Variants in CAMKMT observed in about 807,000 individuals in gnomAD.
CAMKMT encodes the protein calmodulin-lysine N-methyltransferase, also known as CaM KMT.
In CAMKMT, 53 loss-of-function variants were observed where a neutral mutation model predicts 48.0. The observed-to-expected ratio is 1.10, with a 90% confidence interval of 0.89 to 1.39. The LOEUF is 1.39. Ranked by LOEUF, CAMKMT falls within the 40% of genes most tolerant of loss-of-function variation. The pLI is 0.00. For synonymous variants in CAMKMT, 165 were observed against 152.3 expected (o/e 1.08, Z -0.61); for missense variants, 428 against 402.7 (o/e 1.06, Z -0.54).
chr2:44,429,593 A>T (rs1442861546), intron 3 of CAMKMT, among the ~76,000 whole-genome samples: 2 of 152,092 alleles, frequency 1.3e-5, no homozygotes, highest in Non-Finnish European at 2.9e-5. Flanking sequence ...TAAGGTCAGG[A>T]GATCGAGACC....
At chr2:44,504,226 G>A (rs1243599136) in intron 3 of CAMKMT, among the ~76,000 whole-genome samples, 1 of 152,082 alleles carries the variant, frequency 6.6e-6, no homozygotes, top group Non-Finnish European at 1.5e-5. Context: ...CTGTGTTATG[G>A]TGAGTCCCAC....
intron 3 of CAMKMT, among the ~76,000 whole-genome samples, chr2:44,645,237 A>C (rs1673668081): frequency 6.6e-6 from 1 of 152,182 alleles, no homozygotes; most frequent in Non-Finnish European, 1.5e-5. Context: ...TAAACATGAA[A>C]TTTTACCCCT....
chr2:44,530,252 CAAAG>C (rs1666410659), intron 3 of CAMKMT, among the ~76,000 whole-genome samples: 1 of 151,820 alleles, frequency 6.6e-6, no homozygotes, highest in East Asian at 1.9e-4. Context: ...TGTTAATAAA[CAAAG>C]AAAAATTCTG....
intron 3 of CAMKMT, among the ~76,000 whole-genome samples, chr2:44,634,410 G>A (rs1424296664): frequency 1.3e-5 from 2 of 151,820 alleles, no homozygotes; most frequent in African/African-American, 4.8e-5. Flanking sequence ...ACAATGGTTC[G>A]ATATATTTTG....
chr2:44,406,012 A>G (rs74853267), intron 3 of CAMKMT, among the ~76,000 whole-genome samples: 3,537 of 152,280 alleles, frequency 0.023, 153 homozygotes, highest in African/African-American at 0.081. Flanking sequence ...CCCATTTTCA[A>G]CAGACCATAT....
At chr2:44,600,353 A>G (rs1238856981) in intron 3 of CAMKMT, among the ~76,000 whole-genome samples, 1 of 151,844 alleles carries the variant, frequency 6.6e-6, no homozygotes, top group African/African-American at 2.4e-5. Context: ...TACACCCTCA[A>G]ACTCCTGGGC....
chr2:44,362,142 G>T lies in CAMKMT; in HGVS notation c.135G>T (p.Arg45=). ...PLGAARWKLL[R]QVLKQKHLDD... The stretch of plus-strand genomic sequence containing the variant: ...GAGCCGCCCGGTGGAAGCTCCTGCG[G>T]CAGGTAAGGGAGAACCTGCTCGCCT... The change falls in exon 1 of 11, where the codon CGG becomes CGT. Residue 45 remains arginine (R), a synonymous_variant. Transcript: ENST00000378494. The T allele has an allele frequency of 6.8e-7, 1 of 1,472,436 alleles. No individual in the cohort carries two copies. The highest frequency in any genetic ancestry group is 8.9e-7 in the Non-Finnish European group (1 of 1,123,958). The allele number at this position is 1,472,436 out of a possible 1,614,324, so 91.2% of individuals were successfully genotyped here.
intron 1 of CAMKMT, among the ~76,000 whole-genome samples, chr2:44,365,437 G>C (rs1022708095): frequency 2.6e-5 from 4 of 152,204 alleles, no homozygotes; most frequent in Non-Finnish European, 5.9e-5. Context: ...ATGAGGTCTG[G>C]AAGATGATGA....
chr2:44,384,522 C>CTTTT lies in CAMKMT; in HGVS notation c.312-5719_312-5718insTTTT, dbSNP rs1680580130. On this transcript the variant is annotated intron_variant, in intron 2 of 10. Transcript: ENST00000378494. Reference sequence around the variant, plus strand: ...TATCTTTTTTTTTTTTTTTTTTTTGCATTTGCTTTTGGGTTCTTGGTCATG... The same window carrying CTTTT: ...TATCTTTTTTTTTTTTTTTTTTTTGCTTTTATTTGCTTTTGGGTTCTTGGTCATG... 3.3e-3 allele frequency among the ~76,000 whole-genome samples: 222 copies of CTTTT among 66,912 alleles called. No homozygotes were observed. The Middle Eastern group carries it at 0.037, about 11-fold the overall frequency. 43.9% of individuals were successfully genotyped at this position (66,912 alleles called of 152,430 possible). A position where few individuals can be genotyped will look rare whatever the true frequency, so the allele number is the denominator to read the frequency against.
At chr2:44,595,298 C>T (rs1013226394) in intron 3 of CAMKMT, among the ~76,000 whole-genome samples, 2 of 152,094 alleles carry the variant, frequency 1.3e-5, no homozygotes, top group South Asian at 4.1e-4. Context: ...AATCCCGTTA[C>T]TGGGTATATA....
chr2:44,362,024 C>T lies in CAMKMT; in HGVS notation c.17C>T (p.Ala6Val). 1 of 1,415,618 alleles carries T rather than the reference C, an allele frequency of 7.1e-7. No homozygotes were observed. The highest frequency in any genetic ancestry group is 9.2e-7 in the Non-Finnish European group (1 of 1,090,172). The allele number at this position is 1,415,618 out of a possible 1,614,324, so 87.7% of individuals were successfully genotyped here. MESRVADAGTGETARA... is the reference protein window; with the variant it reads MESRVVDAGTGETARA... ...TCCAGTGAGATGGAGTCGCGAGTCG[C>T]GGACGCTGGGACCGGCGAGACCGCG... Residue 6 changes from alanine to valine, a missense_variant, in exon 1 of 11, where the codon GCG becomes GTG. Transcript: ENST00000378494.
chr2:44,718,597 C>G (rs2104311419), intron 7 of CAMKMT, among the ~76,000 whole-genome samples: 1 of 152,270 alleles, frequency 6.6e-6, no homozygotes, highest in East Asian at 1.9e-4. Flanking sequence ...AAGCTGTCTT[C>G]AAAATTGTGA....
intron 3 of CAMKMT, among the ~76,000 whole-genome samples, chr2:44,411,721 T>C (rs1683214492): frequency 6.7e-6 from 1 of 150,198 alleles, no homozygotes; most frequent in Non-Finnish European, 1.5e-5. Context: ...AAGTTTTGTC[T>C]CAAGTATTTT....
rs981435889 is a variant in CAMKMT, at chr2:44,618,497, C to A, written c.377-85786C>A. Among the ~76,000 whole-genome samples the A allele has an allele frequency of 6.6e-6, 1 of 152,130 alleles. No individual in the cohort carries two copies. The highest frequency in any genetic ancestry group is 1.5e-5 in the Non-Finnish European group (1 of 68,030). ...TTTAGGTCGAAGGCTTTTCAGACTG[C>A]GATGAGATGACATTGATGATGACAC... On this transcript the variant is annotated intron_variant, in intron 3 of 10. Coordinates refer to ENST00000378494, the MANE Select transcript of CAMKMT (RefSeq NM_024766.5). The surrounding 1 kb of genome is among the most constrained non-coding windows in gnomAD (Gnocchi z 4.0).
chr2:44,479,728 G>A (rs538128897), intron 3 of CAMKMT, among the ~76,000 whole-genome samples: 1 of 152,234 alleles, frequency 6.6e-6, no homozygotes, highest in African/African-American at 2.4e-5. Flanking sequence ...TACTGTAAGG[G>A]CTCTTCTTTG....
At chr2:44,692,066 A>G (rs1468445963) in intron 3 of CAMKMT, among the ~76,000 whole-genome samples, 1 of 152,154 alleles carries the variant, frequency 6.6e-6, no homozygotes, top group African/African-American at 2.4e-5. Flanking sequence ...ATTGTTTTGG[A>G]TCCATTTTCA....
At chr2:44,740,234 T>C (rs1165118974) in intron 7 of CAMKMT, among the ~76,000 whole-genome samples, 4 of 150,908 alleles carry the variant, frequency 2.7e-5, no homozygotes, top group Admixed American at 2.6e-4. Context: ...GCTCAGATGA[T>C]CCTCCCACCT....
intron 3 of CAMKMT, among the ~76,000 whole-genome samples, chr2:44,579,652 G>A (rs956927426): frequency 6.6e-6 from 1 of 152,136 alleles, no homozygotes; most frequent in Non-Finnish European, 1.5e-5. Context: ...ACAAACTCTT[G>A]AGCATTGCTG....
chr2:44,633,552 G>A (rs896011240), intron 3 of CAMKMT, among the ~76,000 whole-genome samples: 81 of 152,104 alleles, frequency 5.3e-4, no homozygotes, highest in African/African-American at 1.5e-3. Context: ...AAGCCTATCC[G>A]ACAAAATTTT....
Sources: allele counts gnomAD v4.1 joint callset (sites outside exome capture counted in the v4.1 genomes callset), GRCh38; gene constraint gnomAD v4.1.1; non-coding constraint Gnocchi (gnomAD v3.1); transcripts MANE v1.5; gene names NCBI Gene and HGNC (gene_info 2026-07-23, HGNC 2026-07-21).